The following LHFPL3 variants were observed in gnomAD, a reference collection of about 807,000 sequenced individuals.
LHFPL3 encodes the protein LHFPL tetraspan subfamily member 3.
A neutral mutation model predicts 19.3 loss-of-function variants in LHFPL3; 5 were observed. That is an observed-to-expected ratio of 0.26 (90% confidence interval 0.14 to 0.54). The LOEUF (loss-of-function observed/expected upper bound fraction) is 0.54, where lower values mean the gene tolerates loss of function less well. LHFPL3 is among the 20% of genes least tolerant of loss of function. LHFPL3 has a pLI of 0.94. For missense variants in LHFPL3, 249 were observed against 307.4 expected, an observed-to-expected ratio of 0.81 and a Z score of 1.42; for synonymous variants, 133 against 126.2, an observed-to-expected ratio of 1.05 and a Z score of -0.36.
At chr7:104,817,219 G>A (rs1259509307) in intron 2 of LHFPL3, among the ~76,000 whole-genome samples, 2 of 152,216 alleles carry the variant, frequency 1.3e-5, no homozygotes, top group Non-Finnish European at 2.9e-5. Flanking sequence ...ACCCTGTCCA[G>A]TATCCTGTGT....
At chr7:104,463,645 G>A (rs887637356) in intron 1 of LHFPL3, among the ~76,000 whole-genome samples, 2 of 152,166 alleles carry the variant, frequency 1.3e-5, no homozygotes, top group Non-Finnish European at 2.9e-5. Context: ...ATGGCAGCAG[G>A]GAGAGAAGAA....
chr7:104,454,969 A>G lies in LHFPL3; in HGVS notation c.445+125745A>G, dbSNP rs1363453392. On this transcript the variant is annotated intron_variant, in intron 1 of 2. Coordinates refer to ENST00000424859, the MANE Select transcript of LHFPL3 (RefSeq NM_199000.3). ...GCTAAATGGAAAGGAAATGAGGTGTATAGCCTGCCCCTTCCATCTTGTCTT... is the reference window on the plus strand; with the variant it reads ...GCTAAATGGAAAGGAAATGAGGTGTGTAGCCTGCCCCTTCCATCTTGTCTT... Among the ~76,000 whole-genome samples the G allele has an allele frequency of 1.1e-4, 17 of 152,326 alleles. No individual in the cohort carries two copies. In the East Asian group the frequency reaches 3.3e-3, roughly 29 times the overall value.
At chr7:104,574,344 G>C (rs1347688626) in intron 1 of LHFPL3, among the ~76,000 whole-genome samples, 1 of 152,180 alleles carries the variant, frequency 6.6e-6, no homozygotes, top group Non-Finnish European at 1.5e-5. Flanking sequence ...ACAAGAACAA[G>C]CTCTGCTGGA....
chr7:104,406,563 G>C (rs934519175), intron 1 of LHFPL3, among the ~76,000 whole-genome samples: 9 of 152,204 alleles, frequency 5.9e-5, no homozygotes, highest in African/African-American at 2.2e-4. Context: ...TAGTCATGTA[G>C]TCAGAATTCT....
At chr7:104,582,828 A>G (rs1790485549) in intron 1 of LHFPL3, among the ~76,000 whole-genome samples, 1 of 151,854 alleles carries the variant, frequency 6.6e-6, no homozygotes, top group Non-Finnish European at 1.5e-5. Flanking sequence ...ATATTATTTG[A>G]ATCAATTTGC....
chr7:104,878,105 G>A (rs2116676116), intron 2 of LHFPL3, among the ~76,000 whole-genome samples: 1 of 152,174 alleles, frequency 6.6e-6, no homozygotes, highest in South Asian at 2.1e-4. Flanking sequence ...AAAGTGCTAG[G>A]ATTACAGGCA....
chr7:104,593,134 G>T (rs1299047532), intron 1 of LHFPL3, among the ~76,000 whole-genome samples: 1 of 152,046 alleles, frequency 6.6e-6, no homozygotes, highest in Non-Finnish European at 1.5e-5. Flanking sequence ...TGATGTTAGG[G>T]TGTCAATTTT....
chr7:104,869,058 C>T (rs940478469), intron 2 of LHFPL3, among the ~76,000 whole-genome samples: 6 of 152,134 alleles, frequency 3.9e-5, no homozygotes, highest in African/African-American at 1.4e-4. Context: ...TTCCTTACAC[C>T]TTATACAAAA....
chr7:104,430,383 C>CATATAT (rs1176189742), intron 1 of LHFPL3, among the ~76,000 whole-genome samples: 3 of 39,686 alleles, frequency 7.6e-5, no homozygotes, highest in African/African-American at 2.8e-4. Flanking sequence ...TATATATATA[C>CATATAT]ATATATATAT....
chr7:104,794,599 G>C lies in LHFPL3; in HGVS notation c.682+57688G>C, dbSNP rs138570551. ...CTTTAATAGTTTCTTCTCAAAAATA[G>C]CTGCTGGAAATTATGGTTCCATTAA... On this transcript the variant is annotated intron_variant, in intron 2 of 2. Transcript: ENST00000424859. Among the ~76,000 whole-genome samples, 526 of 152,270 alleles carry C rather than the reference G, an allele frequency of 3.5e-3. 3 individuals are homozygous for C. The highest frequency in any genetic ancestry group is 0.012 in the African/African-American group (490 of 41,548).
rs34028727 is a variant in LHFPL3 at position 104,442,244 on chromosome 7, C to CT, written c.445+113031dup. On this transcript the variant is annotated intron_variant, in intron 1 of 2. Coordinates refer to ENST00000424859, the MANE Select transcript of LHFPL3 (RefSeq NM_199000.3). The stretch of plus-strand genomic sequence containing the variant: ...TTCTTTGCTCATTTTAAAATCTGGT[C>CT]TTTTTTTTTTTGCTGCTGAATTGTA... 3.9e-3 allele frequency among the ~76,000 whole-genome samples: 576 copies of CT among 148,996 alleles called. 1 individual carries two copies. Among genetic ancestry groups the CT allele is most frequent in the Non-Finnish European group, 6.1e-3 (411 of 67,076 alleles).
At chr7:104,653,244 G>A (rs2115948645) in intron 1 of LHFPL3, among the ~76,000 whole-genome samples, 1 of 152,300 alleles carries the variant, frequency 6.6e-6, no homozygotes, top group Admixed American at 6.5e-5. Flanking sequence ...GGAGAAGAGG[G>A]GTCAAAGTTT....
intron 1 of LHFPL3, among the ~76,000 whole-genome samples, chr7:104,440,093 G>A (rs1286048624): frequency 1.3e-5 from 2 of 150,844 alleles, no homozygotes; most frequent in Non-Finnish European, 2.9e-5. Context: ...TGAGTTAATG[G>A]GTGCAGCACA....
At chr7:104,829,507 A>C (rs889172210) in intron 2 of LHFPL3, among the ~76,000 whole-genome samples, 2 of 150,316 alleles carry the variant, frequency 1.3e-5, no homozygotes, top group African/African-American at 2.5e-5. Context: ...CAGTCCCCGG[A>C]GTGTGATGTT....
chr7:104,874,602 T>C (rs1420078417), intron 2 of LHFPL3, among the ~76,000 whole-genome samples: 2 of 152,042 alleles, frequency 1.3e-5, no homozygotes, highest in Non-Finnish European at 2.9e-5. Context: ...AGAGACAGGG[T>C]TTCATCATGT....
At chr7:104,565,575 T>G (rs1425331229) in intron 1 of LHFPL3, among the ~76,000 whole-genome samples, 1 of 152,194 alleles carries the variant, frequency 6.6e-6, no homozygotes, top group African/African-American at 2.4e-5. Context: ...TAATCCTAGG[T>G]AAATACTAAT....
intron 2 of LHFPL3, chr7:104,769,060 C>T (rs1794506324): frequency 6.6e-6 from 1 of 152,198 alleles, no homozygotes; most frequent in Non-Finnish European, 1.5e-5. Flanking sequence ...TCATTTCAAA[C>T]ATCTCAGGAG....
At chr7:104,504,439 A>T (rs1373518130) in intron 1 of LHFPL3, among the ~76,000 whole-genome samples, 4 of 152,156 alleles carry the variant, frequency 2.6e-5, no homozygotes, top group African/African-American at 9.7e-5. Context: ...TTGATCACTT[A>T]TGTGTTTCCC....
At chr7:104,527,341 G>A (rs561200642) in intron 1 of LHFPL3, among the ~76,000 whole-genome samples, 2 of 152,144 alleles carry the variant, frequency 1.3e-5, no homozygotes, top group East Asian at 1.9e-4. Flanking sequence ...TTCTTTGTGC[G>A]GCAGGGATGA....
Sources: allele counts gnomAD v4.1 joint callset (sites outside exome capture counted in the v4.1 genomes callset), GRCh38; gene constraint gnomAD v4.1.1; transcripts MANE v1.5; gene names NCBI Gene and HGNC (gene_info 2026-07-23, HGNC 2026-07-21).